DGKB: variants seen among roughly 807,000 people sequenced by gnomAD.
DGKB encodes the protein diacylglycerol kinase beta.
A neutral mutation model predicts 114.3 loss-of-function variants in DGKB; 67 were observed. The ratio of observed to expected loss-of-function variants is 0.59; its 90% CI spans 0.48 to 0.72. The LOEUF (loss-of-function observed/expected upper bound fraction) is 0.72, where lower values mean the gene tolerates loss of function less well. Among genes scored for constraint, DGKB ranks in the 30% least tolerant of loss-of-function variants. The pLI is 0.00. For synonymous variants in DGKB, 398 were observed against 323.1 expected, an observed-to-expected ratio of 1.23 and a Z score of -2.49; for missense variants, 907 against 975.2, an observed-to-expected ratio of 0.93 and a Z score of 0.93.
chr7:14,238,682 G>A (rs1438679424), intron 23 of DGKB, among the ~76,000 whole-genome samples: 2 of 151,814 alleles, frequency 1.3e-5, no homozygotes, highest in Non-Finnish European at 2.9e-5. Context: ...AGGTGGACGT[G>A]AAGTTGAATC....
chr7:14,857,258 T>TTGTGTGTGTGTGTGTGTGTGTG (rs140695633), intron 1 of DGKB, among the ~76,000 whole-genome samples: 10,758 of 138,194 alleles, frequency 0.078, 643 homozygotes, highest in Admixed American at 0.18. Flanking sequence ...CTGTGTGTGT[T>TTGTGTGTGTGTGTGTGTGTGTG]TGTGTGTGTG....
At chr7:14,924,436 A>G (rs929937122) in intron 1 of DGKB, among the ~76,000 whole-genome samples, 4 of 152,124 alleles carry the variant, frequency 2.6e-5, no homozygotes, top group Non-Finnish European at 5.9e-5. Flanking sequence ...CAGGTGTTAT[A>G]TCTTCAGAGA....
At chr7:14,217,089 G>A (rs937493136) in intron 23 of DGKB, among the ~76,000 whole-genome samples, 1 of 151,970 alleles carries the variant, frequency 6.6e-6, no homozygotes, top group Admixed American at 6.6e-5. Context: ...TCATTCCCTG[G>A]CCTTCACATC....
chr7:14,297,054 A>G (rs4377856), intron 23 of DGKB, among the ~76,000 whole-genome samples: 122,962 of 152,042 alleles, frequency 0.81, 49,963 homozygotes, highest in South Asian at 0.92. Flanking sequence ...TGAAATTGAG[A>G]CAGTAATTAA....
intron 13 of DGKB, among the ~76,000 whole-genome samples, chr7:14,658,526 G>A (rs189331644): frequency 6.7e-4 from 102 of 151,882 alleles, no homozygotes; most frequent in African/African-American, 2.2e-3. Context: ...GTAGAATGAC[G>A]ATAGTTTCAC....
chr7:14,573,192 T>C lies in DGKB; in HGVS notation c.1770+1020A>G, dbSNP rs967876653. 2.6e-5 allele frequency among the ~76,000 whole-genome samples: 4 copies of C among 152,128 alleles called. No individual in the cohort carries two copies. In the South Asian group the frequency reaches 8.3e-4, roughly 32 times the overall value. On this transcript the variant is annotated intron_variant, in intron 20 of 25. Transcript: ENST00000402815. ...GAGGGCTTCTCTGGATCAAGACACA[T>C]TGCATTTTTCTTTCAAATAATAATA...
chr7:14,431,196 C>T (rs1343464050), intron 21 of DGKB, among the ~76,000 whole-genome samples: 1 of 152,004 alleles, frequency 6.6e-6, no homozygotes, highest in Non-Finnish European at 1.5e-5. Flanking sequence ...TCCCTGATCT[C>T]CTGTTTTGGA....
Position 14,970,464 on chromosome 7 carries a change from TA to T in DGKB, c.-188+4231del, listed in dbSNP as rs767014095. Among the ~76,000 whole-genome samples the T allele has an allele frequency of 6.0e-5, 9 of 149,318 alleles. No homozygotes were observed. In the East Asian group the frequency reaches 7.9e-4, roughly 13 times the overall value. ...CAGGTTTGGCAAATAAAGTAAAAAT[TA>T]AAAAAAAAGATTTATAAAGCTATAA... On this transcript the variant is annotated intron_variant, in intron 1 of 4. Transcript: ENST00000437998.
intron 21 of DGKB, among the ~76,000 whole-genome samples, chr7:14,431,368 A>G (rs868450511): frequency 1.3e-5 from 2 of 152,290 alleles, no homozygotes; most frequent in Non-Finnish European, 1.5e-5. Flanking sequence ...TTCATTTACA[A>G]CAGACATTTT....
chr7:14,203,136 G>T (rs1786161885), intron 23 of DGKB, among the ~76,000 whole-genome samples: 1 of 88,678 alleles, frequency 1.1e-5, no homozygotes, highest in East Asian at 4.0e-4. Flanking sequence ...TCTACTTCGG[G>T]GCCAGTATCA....
At chr7:14,267,092 T>C (rs935847611) in intron 23 of DGKB, among the ~76,000 whole-genome samples, 2 of 152,194 alleles carry the variant, frequency 1.3e-5, no homozygotes, top group African/African-American at 4.8e-5. Flanking sequence ...GTGTGACAGA[T>C]TAAAAATGCC....
At chr7:14,906,447 C>CTTTTTTTT (rs34250901), upstream of DGKB, among the ~76,000 whole-genome samples, 32 of 103,858 alleles carry the variant, frequency 3.1e-4, no homozygotes, top group Non-Finnish European at 4.9e-4. Context: ...TTTTTTCTGT[C>CTTTTTTTT]TTTTTTTTTT....
At chr7:14,962,072 C>T (rs958156135) in intron 1 of DGKB, among the ~76,000 whole-genome samples, 1 of 152,078 alleles carries the variant, frequency 6.6e-6, no homozygotes, top group Admixed American at 6.6e-5. Context: ...AACCGTTTGT[C>T]TAAAACTTTA....
chr7:14,942,914 C>A (rs548027464), intron 1 of DGKB, among the ~76,000 whole-genome samples: 1 of 151,926 alleles, frequency 6.6e-6, no homozygotes, highest in African/African-American at 2.4e-5. Context: ...CCTGATCTAG[C>A]ATTATATGTG....
At chr7:14,660,859 T>C (rs530869413) in intron 13 of DGKB, among the ~76,000 whole-genome samples, 8 of 152,040 alleles carry the variant, frequency 5.3e-5, no homozygotes, top group South Asian at 2.1e-4. Context: ...AACAGAGATA[T>C]AGATCAATGG....
intron 23 of DGKB, among the ~76,000 whole-genome samples, chr7:14,319,453 T>C (rs1807313399): frequency 6.6e-6 from 1 of 152,142 alleles, no homozygotes; most frequent in African/African-American, 2.4e-5. Flanking sequence ...ATATTTATAG[T>C]AACATGTAAT....
At chr7:14,266,990 T>C (rs1033809432) in intron 23 of DGKB, among the ~76,000 whole-genome samples, 2 of 119,142 alleles carry the variant, frequency 1.7e-5, no homozygotes, top group South Asian at 2.9e-4. Context: ...TTTTGTAATA[T>C]AGATAATGAA....
At chr7:14,150,559 T>A (rs1782038598) in intron 25 of DGKB, among the ~76,000 whole-genome samples, 1 of 152,072 alleles carries the variant, frequency 6.6e-6, no homozygotes, top group Non-Finnish European at 1.5e-5. Context: ...CTGGAAGGAT[T>A]CAGTGTTCTC....
chr7:14,631,412 C>A (rs1349642218), intron 13 of DGKB, among the ~76,000 whole-genome samples: 1 of 151,870 alleles, frequency 6.6e-6, no homozygotes, highest in East Asian at 1.9e-4. Context: ...TAGCACAGCC[C>A]CACAGAAAAT....
Sources: gnomAD v4.1 joint callset for allele counts (sites outside exome capture counted in the v4.1 genomes callset) on GRCh38, gnomAD v4.1.1 for gene constraint, MANE v1.5 for transcripts, NCBI Gene and HGNC (gene_info 2026-07-23, HGNC 2026-07-21) for gene names.